Variants in GCC2 observed in about 807,000 individuals in gnomAD.
GCC2 encodes GRIP and coiled-coil domain-containing protein 2.
In GCC2, 120 loss-of-function variants were observed where a neutral mutation model predicts 210.6. That is an observed-to-expected ratio of 0.57 (90% CI 0.49 to 0.66). The LOEUF (loss-of-function observed/expected upper bound fraction) is 0.66, where lower values mean the gene tolerates loss of function less well. Ranked by LOEUF, GCC2 falls within the 30% of genes least tolerant of loss-of-function variation. The pLI is 0.00. For synonymous variants in GCC2, 703 were observed against 652.7 expected, an observed-to-expected ratio of 1.08 and a Z score of -1.17; for missense variants, 1,868 against 1,871.9, an observed-to-expected ratio of 1.00 and a Z score of 0.04.
intron 4 of GCC2, among the ~76,000 whole-genome samples, chr2:108,462,862 C>T (rs1020700011): frequency 2.7e-5 from 4 of 146,882 alleles, no homozygotes; most frequent in Non-Finnish European, 3.0e-5. Context: ...CGCATCTGGC[C>T]GACTTTGCTC....
At chr2:108,494,335 C>T (rs1036178252) in intron 19 of GCC2, 1 of 152,040 alleles carries the variant, frequency 6.6e-6, no homozygotes, top group Non-Finnish European at 1.5e-5. Flanking sequence ...GATCGTGCCA[C>T]TACACTCCAA....
intron 2 of GCC2, 29 bp downstream of exon 2, chr2:108,449,718 C>T (rs1679810563): frequency 6.3e-7 from 1 of 1,587,436 alleles, no homozygotes. Context: ...TAGCGGGCTT[C>T]CTGAAGAGTG....
intron 4 of GCC2, among the ~76,000 whole-genome samples, chr2:108,464,259 C>A (rs1181721359): frequency 6.6e-6 from 1 of 152,298 alleles, no homozygotes; most frequent in East Asian, 1.9e-4. Flanking sequence ...ACAGCAGCTG[C>A]AGGCAGTGGA....
At chr2:108,451,838 TC>T (rs2104400540) in intron 3 of GCC2, among the ~76,000 whole-genome samples, 1 of 141,286 alleles carries the variant, frequency 7.1e-6, no homozygotes, top group Non-Finnish European at 1.5e-5. Context: ...TCTCTCTCTC[TC>T]TCTTTTTTTT....
At chr2:108,492,324 AAC>A (rs1028528891) in intron 18 of GCC2, among the ~76,000 whole-genome samples, 1 of 152,212 alleles carries the variant, frequency 6.6e-6, no homozygotes, top group African/African-American at 2.4e-5. Flanking sequence ...TGGACAACAC[AAC>A]ACAGTTTCTT....
At chr2:108,493,590 G>C in intron 19 of GCC2, 1 of 985,432 alleles carries the variant, frequency 1.0e-6, no homozygotes, top group Non-Finnish European at 1.2e-6. Context: ...TTTTAGTTCA[G>C]CCACACCCAG....
chr2:108,504,680 C>A (rs578196563), intron 22 of GCC2, among the ~76,000 whole-genome samples: 1 of 152,102 alleles, frequency 6.6e-6, no homozygotes, highest in Non-Finnish European at 1.5e-5. Flanking sequence ...TTTTGCTCCC[C>A]AAATAAGTTA....
Position 108,485,642 on chromosome 2 carries a change from TAC to T in GCC2, c.3622_3623del (p.Gln1208ValfsTer7). On this transcript the variant is annotated frameshift_variant, in exon 14 of 23. Coordinates refer to ENST00000309863, the MANE Select transcript of GCC2 (RefSeq NM_181453.4). LOFTEE classifies it high-confidence loss of function. ...AAATTATTTCTTGTGCTAGCTTCAT[TAC>T]AGTCTTCAGTACAACAATATGAAGA... The T allele has an allele frequency of 6.6e-7, 1 of 1,514,314 alleles. No individual in the cohort carries two copies. Among genetic ancestry groups the T allele is most frequent in the Non-Finnish European group, 8.9e-7 (1 of 1,121,546 alleles). 93.8% of individuals were successfully genotyped at this position (1,514,314 alleles called of 1,614,324 possible). A position where few individuals can be genotyped will look rare whatever the true frequency, so the allele number is the denominator to read the frequency against.
In GCC2 at chr2:108,470,872, G is replaced by C; in HGVS notation, c.1543G>C (p.Asp515His). The change falls in exon 6 of 23, where the codon GAT (aspartate) becomes CAT (histidine). Residue 515 changes from aspartate to histidine, a missense_variant. This residue lies in a region of GCC2 where 1,847 missense variants were observed against 1,765.2 expected (regional missense o/e 1.05). Coordinates refer to ENST00000309863, the MANE Select transcript of GCC2 (RefSeq NM_181453.4). ...FESMKQQQASDVHELQQKLRT... is the reference protein window; with the variant it reads ...FESMKQQQASHVHELQQKLRT... Reference sequence around the variant, plus strand: ...ATCAATGAAGCAACAGCAAGCATCTGATGTTCATGAACTGCAGCAGAAGCT... The same window carrying C: ...ATCAATGAAGCAACAGCAAGCATCTCATGTTCATGAACTGCAGCAGAAGCT... 1 of 1,613,814 alleles carries C rather than the reference G, an allele frequency of 6.2e-7. No individual in the cohort carries two copies. The highest frequency in any genetic ancestry group is 8.5e-7 in the Non-Finnish European group (1 of 1,179,874).
At chr2:108,499,334 TC>T (rs1365012396) in intron 21 of GCC2, among the ~76,000 whole-genome samples, 3 of 151,812 alleles carry the variant, frequency 2.0e-5, no homozygotes, top group Non-Finnish European at 2.9e-5. Context: ...TAGTTGGAGT[TC>T]CGGTTTTCAT....
At position 108,470,177 on chromosome 2, in the gene GCC2, A is replaced by G. The variant is rs1385284172; in HGVS notation, c.848A>G (p.Gln283Arg). The change falls in exon 6 of 23, where the codon CAA becomes CGA. Residue 283 changes from glutamine to arginine, a missense_variant. By Grantham distance (43) the Gln-to-Arg change is conservative. This residue lies in a region of GCC2 where 1,847 missense variants were observed against 1,765.2 expected (regional missense o/e 1.05). Coordinates refer to ENST00000309863, the MANE Select transcript of GCC2 (RefSeq NM_181453.4). ...LNELKENLVK[Q>R]CEASEKNIQK... ...GAGCTAAAAGAGAACTTAGTAAAACAATGTGAGGCAAGTGAAAAGAACATC... is the reference window on the plus strand; with the variant it reads ...GAGCTAAAAGAGAACTTAGTAAAACGATGTGAGGCAAGTGAAAAGAACATC... The G allele has an allele frequency of 7.4e-6, 12 of 1,613,526 alleles. No individual in the cohort carries two copies. Among genetic ancestry groups the G allele is most frequent in the Non-Finnish European group, 9.3e-6 (11 of 1,179,810 alleles).
At position 108,470,328 on chromosome 2, in the gene GCC2, A is replaced by C; in HGVS notation, c.999A>C (p.Lys333Asn). ...NTFVEQVVNE[K>N]VKHLEDTLKE... ...TTGTAGAACAAGTAGTAAATGAAAA[A>C]GTCAAACACTTAGAAGATACCTTAA... The change falls in exon 6 of 23, where the codon AAA becomes AAC. Residue 333 changes from lysine to asparagine, a missense_variant. Physicochemically the swap from Lys to Asn is moderately conservative, Grantham distance 94 (BLOSUM62 0). Transcript: ENST00000309863. The C allele has an allele frequency of 6.2e-7, 1 of 1,610,994 alleles. No individual in the cohort carries two copies. Among genetic ancestry groups the C allele is most frequent in the Non-Finnish European group, 8.5e-7 (1 of 1,178,314 alleles).
At chr2:108,473,483 C>T (rs10496421) in intron 7 of GCC2, among the ~76,000 whole-genome samples, 1 of 152,062 alleles carries the variant, frequency 6.6e-6, no homozygotes, top group Non-Finnish European at 1.5e-5. Context: ...GAGGTAGGAG[C>T]CTGATCATAA....
At position 108,471,688 on chromosome 2, in the gene GCC2, G is replaced by A. The variant is rs540561575; in HGVS notation, c.2359G>A (p.Gly787Ser). 123 of 1,613,554 alleles carry A rather than the reference G, an allele frequency of 7.6e-5. No individual in the cohort carries two copies. The Admixed American group carries it at 9.5e-4, about 12-fold the overall frequency. Residue 787 changes from glycine to serine, a missense_variant, in exon 6 of 23, where the codon GGT becomes AGT. Transcript: ENST00000309863. Reference sequence around the variant, plus strand: ...TGTTGTTAATGTCCTACAGGCAGTCGGTGAATCCTTGGCAAAAATAAATGA... The same window carrying A: ...TGTTGTTAATGTCCTACAGGCAGTCAGTGAATCCTTGGCAAAAATAAATGA... ...KDVVNVLQAV[G>S]ESLAKINEEK... is the part of the protein sequence containing the mutation.
chr2:108,483,232 T>C (rs1370931830), intron 12 of GCC2, 66 bp downstream of exon 12: 1 of 849,786 alleles, frequency 1.2e-6, no homozygotes, highest in Non-Finnish European at 1.9e-6. Flanking sequence ...TTGTTCTGTT[T>C]GTTCTGTTCT....
At chr2:108,496,134 G>A (rs1193055282) in intron 20 of GCC2, 1 of 151,750 alleles carries the variant, frequency 6.6e-6, no homozygotes, top group Non-Finnish European at 1.5e-5. Context: ...ATAAATAAGT[G>A]GTGGGAAGTT....
In GCC2 at chr2:108,470,560, TTAAA is replaced by T; in HGVS notation, c.1236_1239del (p.Lys413SerfsTer6). The T allele has an allele frequency of 6.2e-7, 1 of 1,607,956 alleles. No individual in the cohort carries two copies. Among genetic ancestry groups the T allele is most frequent in the Non-Finnish European group, 8.5e-7 (1 of 1,177,848 alleles). ...AAAATTAAAATCTGAGCTAGCAGGT[TTAAA>T]TAAACAGTTTTGCTATACTGTAGAA... On this transcript the variant is annotated frameshift_variant, in exon 6 of 23. Transcript: ENST00000309863. LOFTEE classifies it high-confidence loss of function.
rs368686478 is a variant in GCC2 at position 108,466,613 on chromosome 2, C to T, written c.217-2367C>T. On this transcript the variant is annotated intron_variant, in intron 4 of 22. Transcript: ENST00000309863. ...TCAGCCTCCCGAGTAGCTGGGAGTA[C>T]AGGCGCCCACCACCACACCTGACTA... is the stretch of plus-strand genomic sequence containing the variant. 2.4e-4 allele frequency among the ~76,000 whole-genome samples: 36 copies of T among 152,032 alleles called. No individual in the cohort carries two copies. In the South Asian group the frequency reaches 7.3e-3, roughly 31 times the overall value.
In GCC2 at chr2:108,471,520, C is replaced by T; in HGVS notation, c.2191C>T (p.Leu731Phe). The part of the protein sequence containing the change: ...KEHITQLEKK[L>F]QLMVEEQDNL... ...ACATATTACTCAATTAGAAAAGAAA[C>T]TTCAGTTAATGGTTGAAGAGCAAGA... Residue 731 changes from leucine (L) to phenylalanine (F), a missense_variant, in exon 6 of 23, where the codon CTT becomes TTT. Physicochemically the swap from Leu to Phe is conservative, Grantham distance 22. Transcript: ENST00000309863. 1 of 1,604,430 alleles carries T rather than the reference C, an allele frequency of 6.2e-7. No homozygotes were observed. The highest frequency in any genetic ancestry group is 8.5e-7 in the Non-Finnish European group (1 of 1,176,540).
Sources: allele counts gnomAD v4.1 joint callset (sites outside exome capture counted in the v4.1 genomes callset), GRCh38; gene constraint gnomAD v4.1.1; regional missense constraint gnomAD v4.1.1; transcripts MANE v1.5; gene names NCBI Gene and HGNC (gene_info 2026-07-23, HGNC 2026-07-21).